Variants in AGBL4 observed in about 807,000 individuals in gnomAD.
AGBL4 encodes the protein cytosolic carboxypeptidase 6.
In AGBL4, 58 loss-of-function variants were observed where a neutral mutation model predicts 66.4. That is an observed-to-expected ratio of 0.87 (90% CI 0.71 to 1.09). The LOEUF is 1.09. Ranked by LOEUF, AGBL4 falls within the 50% of genes least tolerant of loss-of-function variation. The probability of loss-of-function intolerance (pLI) is 0.00; values close to 1 mark genes in which losing one functional copy is unlikely to be tolerated. For synonymous variants in AGBL4, 234 were observed against 222.9 expected (o/e 1.05, Z -0.44); for missense variants, 579 against 631.0 (o/e 0.92, Z 0.88).
At chr1:49,667,741 A>T (rs1323176586) in intron 3 of AGBL4, among the ~76,000 whole-genome samples, 1 of 152,084 alleles carries the variant, frequency 6.6e-6, no homozygotes, top group African/African-American at 2.4e-5. Flanking sequence ...CAATGTCTTA[A>T]CTTTGTATAT....
At chr1:49,851,585 T>C (rs889689779) in intron 1 of AGBL4, 67 bp from the exon 2 acceptor site, 4 of 1,483,144 alleles carry the variant, frequency 2.7e-6, no homozygotes, top group Middle Eastern at 1.7e-4. Context: ...AGATTTTTAC[T>C]GTTAATTACC....
At chr1:48,960,735 C>T (rs1385291618) in intron 5 of AGBL4, among the ~76,000 whole-genome samples, 1 of 152,184 alleles carries the variant, frequency 6.6e-6, no homozygotes, top group Non-Finnish European at 1.5e-5. Context: ...ATATAGAATA[C>T]TCTGTCATGA....
chr1:49,593,881 A>C (rs1343977775), intron 3 of AGBL4, among the ~76,000 whole-genome samples: 1 of 152,218 alleles, frequency 6.6e-6, no homozygotes, highest in Non-Finnish European at 1.5e-5. Context: ...ACTTCAAAAA[A>C]TATAGAGAGT....
chr1:49,192,839 C>T (rs1480552637), intron 4 of AGBL4, among the ~76,000 whole-genome samples: 1 of 152,132 alleles, frequency 6.6e-6, no homozygotes, highest in Admixed American at 6.5e-5. Context: ...TGAGGTAACA[C>T]CACAACCCAG....
chr1:49,545,311 T>C (rs970096001), intron 3 of AGBL4, among the ~76,000 whole-genome samples: 1 of 152,138 alleles, frequency 6.6e-6, no homozygotes, highest in Non-Finnish European at 1.5e-5. Context: ...ACTTAAAAAA[T>C]GAGGCCCTCA....
chr1:49,027,072 G>A, intron 5 of AGBL4, among the ~76,000 whole-genome samples: 1 of 152,140 alleles, frequency 6.6e-6, no homozygotes, highest in Non-Finnish European at 1.5e-5. Flanking sequence ...TGTATAAAGA[G>A]GCTTTTTACA....
At chr1:48,560,241 T>G (rs149142575) in intron 11 of AGBL4, among the ~76,000 whole-genome samples, 4 of 152,350 alleles carry the variant, frequency 2.6e-5, no homozygotes, top group African/African-American at 9.6e-5. Flanking sequence ...CTGGTAACTA[T>G]AGATACTGAG....
intron 1 of AGBL4, among the ~76,000 whole-genome samples, chr1:49,944,854 T>C (rs1655070945): frequency 6.6e-6 from 1 of 151,638 alleles, no homozygotes; most frequent in South Asian, 2.1e-4. Flanking sequence ...GTGAAATAGA[T>C]AGCATAAATA....
intron 4 of AGBL4, among the ~76,000 whole-genome samples, chr1:49,237,568 AT>A (rs2148312499): frequency 9.3e-6 from 1 of 108,086 alleles, no homozygotes; most frequent in Non-Finnish European, 1.9e-5. Flanking sequence ...ATATATATAT[AT>A]ATATAAAACC....
chr1:49,704,851 G>A (rs918692928), intron 2 of AGBL4, among the ~76,000 whole-genome samples: 5 of 152,168 alleles, frequency 3.3e-5, no homozygotes, highest in Non-Finnish European at 5.9e-5. Flanking sequence ...ATAATTTGAA[G>A]TCAGGTACTG....
intron 5 of AGBL4, among the ~76,000 whole-genome samples, chr1:48,872,453 A>G (rs1648770960): frequency 6.6e-6 from 1 of 152,260 alleles, no homozygotes; most frequent in Non-Finnish European, 1.5e-5. Flanking sequence ...AGGTAGCATT[A>G]ATCAACAAGA....
intron 6 of AGBL4, among the ~76,000 whole-genome samples, chr1:48,826,037 C>T (rs980461295): frequency 7.9e-5 from 12 of 152,256 alleles, no homozygotes; most frequent in African/African-American, 2.9e-4. Context: ...TTCAAAGTGA[C>T]AGGGACTTTC....
At chr1:48,527,312 C>T in the AGBL4 span, among the ~76,000 whole-genome samples, 1 of 151,902 alleles carries the variant, frequency 6.6e-6, no homozygotes, top group Non-Finnish European at 1.5e-5. Context: ...AATTAATAAA[C>T]AGGCCTGGCG....
chr1:48,605,258 T>C (rs1645137526), intron 9 of AGBL4, among the ~76,000 whole-genome samples: 1 of 152,202 alleles, frequency 6.6e-6, no homozygotes, highest in South Asian at 2.1e-4. Flanking sequence ...AGGCAAGGAA[T>C]ATATTTTCCA....
chr1:48,849,301 T>C (rs1646983068), intron 6 of AGBL4, among the ~76,000 whole-genome samples: 1 of 152,226 alleles, frequency 6.6e-6, no homozygotes, highest in African/African-American at 2.4e-5. Flanking sequence ...TACAAGCATG[T>C]ATAAAGAGTG....
At chr1:49,844,248 C>A (rs142608019) in intron 2 of AGBL4, among the ~76,000 whole-genome samples, 1 of 152,126 alleles carries the variant, frequency 6.6e-6, no homozygotes, top group African/African-American at 2.4e-5. Flanking sequence ...CCATGCAGCA[C>A]CTTTTTCTCT....
At chr1:49,407,656 T>G (rs1409401333) in intron 3 of AGBL4, among the ~76,000 whole-genome samples, 1 of 152,114 alleles carries the variant, frequency 6.6e-6, no homozygotes, top group African/African-American at 2.4e-5. Context: ...ACAAATGATC[T>G]TAATTGTTCT....
At chr1:48,723,515 T>C (rs1647182792) in intron 6 of AGBL4, among the ~76,000 whole-genome samples, 1 of 152,224 alleles carries the variant, frequency 6.6e-6, no homozygotes, top group African/African-American at 2.4e-5. Flanking sequence ...ATCTATTGGT[T>C]TGTCTATTTG....
At chr1:48,936,672 G>A (rs1028069135) in intron 5 of AGBL4, among the ~76,000 whole-genome samples, 3 of 152,194 alleles carry the variant, frequency 2.0e-5, no homozygotes, top group Non-Finnish European at 4.4e-5. Flanking sequence ...TACATGGTGA[G>A]AATGAATCAT....
Sources: allele counts gnomAD v4.1 joint callset (sites outside exome capture counted in the v4.1 genomes callset), GRCh38; gene constraint gnomAD v4.1.1; transcripts MANE v1.5; gene names NCBI Gene and HGNC (gene_info 2026-07-23, HGNC 2026-07-21).